Variants in MTERF4 observed in about 807,000 individuals in gnomAD.
MTERF4 encodes the protein transcription termination factor 4, mitochondrial.
In MTERF4, 17 loss-of-function variants were observed where a neutral mutation model predicts 22.5. The ratio of observed to expected loss-of-function variants is 0.75; its 90% confidence interval spans 0.52 to 1.13. The LOEUF is 1.13. Ranked by LOEUF, MTERF4 falls within the 50% of genes most tolerant of loss-of-function variation. The pLI, the probability that MTERF4 is intolerant of heterozygous loss-of-function variation, is 0.00. For missense variants in MTERF4, 420 were observed against 466.8 expected (o/e 0.90, Z 0.92); for synonymous variants, 165 against 175.3 (o/e 0.94, Z 0.47).
At chr2:241,049,261 C>A in the MTERF4 span, 2 of 674,006 alleles carry the variant, frequency 3.0e-6, no homozygotes, top group Non-Finnish European at 2.6e-6. Context: ...GAGCTGGCAC[C>A]TGGGGAAGCC....
downstream of MTERF4, chr2:241,070,037 C>G (rs748931958): frequency 1.2e-6 from 2 of 1,612,918 alleles, no homozygotes; most frequent in Non-Finnish European, 1.7e-6. Context: ...AATGTGACCA[C>G]CAGCCAGAGC....
the MTERF4 span, among the ~76,000 whole-genome samples, chr2:241,043,615 G>A: frequency 6.6e-6 from 1 of 152,248 alleles, no homozygotes; most frequent in Middle Eastern, 3.4e-3. Context: ...GTGGGTTGAA[G>A]ACTTTTTAAT....
intron 4 of MTERF4, among the ~76,000 whole-genome samples, chr2:241,080,114 G>A (rs374225749): frequency 1.6e-4 from 25 of 152,072 alleles, no homozygotes; most frequent in African/African-American, 2.2e-4. Context: ...GTGAAACCCC[G>A]TCTCTACTAA....
downstream of MTERF4, chr2:241,090,113 T>A (rs1411887009): frequency 6.7e-7 from 1 of 1,492,398 alleles, no homozygotes; most frequent in Non-Finnish European, 8.9e-7. Context: ...TTTTACTTTT[T>A]AACTCTTTTT....
At chr2:241,097,687 G>T (rs2125384191) in intron 2 of MTERF4, among the ~76,000 whole-genome samples, 3 of 152,226 alleles carry the variant, frequency 2.0e-5, no homozygotes, top group Middle Eastern at 6.8e-3. Flanking sequence ...CACCTGAAAG[G>T]TGCCAACTTT....
chr2:241,062,761 T>C, the MTERF4 span: 13 of 1,504,108 alleles, frequency 8.6e-6, no homozygotes, highest in Non-Finnish European at 1.2e-5. Flanking sequence ...CGTGGCCACA[T>C]TGCTTTATTC....
At chr2:241,072,707 CCGGGATGCCCAG>C (rs1464308707) in exon 5 of MTERF4, 1 of 191,950 alleles carries the variant, frequency 5.2e-6, no homozygotes, top group East Asian at 1.5e-4. Context: ...AGGCAGCTGC[CCGGGATGCCCAG>C]TGGTGGGCAG....
chr2:241,101,245 C>T (rs1018132839), intron 1 of MTERF4: 18 of 459,794 alleles, frequency 3.9e-5, no homozygotes, highest in South Asian at 1.4e-4. Context: ...GAAACAGTGA[C>T]AGATCATCGG....
At chr2:241,097,538 C>T in intron 2 of MTERF4, 111 bp from the exon 3 acceptor site, 1 of 1,032,992 alleles carries the variant, frequency 9.7e-7, no homozygotes, top group African/African-American at 1.6e-5. Context: ...AGGATCCTCT[C>T]CTTCCACAGA....
chr2:241,068,019 G>C (rs888173533), downstream of MTERF4: 1 of 1,393,062 alleles, frequency 7.2e-7, no homozygotes, highest in Non-Finnish European at 9.9e-7. This position sits in a 1 kb window ranked among gnomAD's most constrained non-coding sequence, Gnocchi z 5.3. Flanking sequence ...CGGGGCCCAG[G>C]TCTCGGGCAC....
chr2:241,084,918 T>G (rs917131688), downstream of MTERF4, among the ~76,000 whole-genome samples: 1 of 152,228 alleles, frequency 6.6e-6, no homozygotes, highest in African/African-American at 2.4e-5. Context: ...CAGTTATATT[T>G]TTTTCTTTCA....
intron 4 of MTERF4, among the ~76,000 whole-genome samples, chr2:241,081,357 C>A (rs1050094483): frequency 1.3e-5 from 2 of 152,302 alleles, no homozygotes; most frequent in Middle Eastern, 3.4e-3. Context: ...CCAGTGGGGG[C>A]TCAGCACTGA....
downstream of MTERF4, chr2:241,089,152 A>C (rs1303614330): frequency 1.4e-6 from 1 of 716,158 alleles, no homozygotes; most frequent in African/African-American, 1.8e-5. Context: ...ATACCATAGA[A>C]AGCCATCTAC....
At chr2:241,078,332 G>A (rs1357467541) in intron 4 of MTERF4, among the ~76,000 whole-genome samples, 1 of 148,756 alleles carries the variant, frequency 6.7e-6, no homozygotes, top group Admixed American at 6.7e-5. Context: ...GCAGTGAGGT[G>A]AGATCGCGCC....
chr2:241,068,589 G>A (rs2062565704), downstream of MTERF4, among the ~76,000 whole-genome samples: 1 of 151,958 alleles, frequency 6.6e-6, no homozygotes, highest in Non-Finnish European at 1.5e-5. The surrounding 1 kb of genome is among the most constrained non-coding windows in gnomAD (Gnocchi z 5.3). Context: ...CTGTGCTGAG[G>A]GCCCGTCCCC....
At chr2:241,077,619 C>G (rs892924886) in intron 4 of MTERF4, among the ~76,000 whole-genome samples, 7 of 152,066 alleles carry the variant, frequency 4.6e-5, no homozygotes, top group African/African-American at 1.7e-4. Flanking sequence ...GATCAGAGAC[C>G]CATATCTAAA....
At chr2:241,082,231 G>A, downstream of MTERF4, 3 of 1,483,948 alleles carry the variant, frequency 2.0e-6, no homozygotes, top group East Asian at 2.3e-5. Context: ...GGGGCAGGAG[G>A]AGCCGTCAGG....
the MTERF4 span, among the ~76,000 whole-genome samples, chr2:241,042,748 G>A: frequency 6.6e-6 from 1 of 152,176 alleles, no homozygotes; most frequent in Non-Finnish European, 1.5e-5. Context: ...ATTTACAGCA[G>A]GTTAGATATT....
downstream of MTERF4, chr2:241,072,073 G>A (rs2062755422): frequency 1.4e-6 from 1 of 704,266 alleles, no homozygotes; most frequent in East Asian, 2.7e-5. Flanking sequence ...ATGGCAGGAG[G>A]GGCAGCTCGT....
Sources: allele counts gnomAD v4.1 joint callset (sites outside exome capture counted in the v4.1 genomes callset), GRCh38; gene constraint gnomAD v4.1.1; non-coding constraint Gnocchi (gnomAD v3.1); transcripts MANE v1.5; gene names NCBI Gene and HGNC (gene_info 2026-07-23, HGNC 2026-07-21).